The following CPT1A variants were observed in gnomAD, a reference collection of about 807,000 sequenced individuals.
CPT1A encodes the protein carnitine palmitoyltransferase 1A.
Under a neutral mutation model 100.8 loss-of-function variants are expected in CPT1A, and 64 were observed. That is an observed-to-expected ratio of 0.63 (90% CI 0.52 to 0.78). The LOEUF is 0.78. Ranked by LOEUF, CPT1A falls within the 30% of genes least tolerant of loss-of-function variation. CPT1A has a pLI of 0.00. For synonymous variants in CPT1A, 363 were observed against 396.0 expected (o/e 0.92, Z 0.99); for missense variants, 802 against 1,034.1 (o/e 0.78, Z 3.08).
intron 1 of CPT1A, among the ~76,000 whole-genome samples, chr11:68,840,899 C>G (rs919284078): frequency 6.6e-6 from 1 of 151,734 alleles, no homozygotes; most frequent in African/African-American, 2.4e-5. Context: ...GCGGCCCCGC[C>G]GCTCCCAGCC....
intron 14 of CPT1A, among the ~76,000 whole-genome samples, chr11:68,763,343 A>G (rs1313488761): frequency 1.3e-5 from 2 of 151,896 alleles, no homozygotes; most frequent in East Asian, 3.9e-4. Flanking sequence ...CCTCTGCTGC[A>G]TTCCCTTCAG....
intron 12 of CPT1A, among the ~76,000 whole-genome samples, chr11:68,779,210 C>T (rs1056498715): frequency 6.6e-6 from 1 of 152,108 alleles, no homozygotes; most frequent in Non-Finnish European, 1.5e-5. Flanking sequence ...TTTTATTCCA[C>T]TTCATTTATT....
At chr11:68,835,624 G>C (rs565498596) in intron 1 of CPT1A, among the ~76,000 whole-genome samples, 1 of 151,126 alleles carries the variant, frequency 6.6e-6, no homozygotes, top group African/African-American at 2.4e-5. Flanking sequence ...GGAATGACAG[G>C]TTCAGACCCA....
chr11:68,830,999 G>T (rs534095867), intron 1 of CPT1A, among the ~76,000 whole-genome samples: 12 of 152,058 alleles, frequency 7.9e-5, no homozygotes, highest in Admixed American at 6.6e-5. Flanking sequence ...CAACAATCGT[G>T]GGGGGGAAGG....
At chr11:68,796,711 G>C (rs955008262) in intron 7 of CPT1A, 145 bp downstream of exon 7, 4 of 782,042 alleles carry the variant, frequency 5.1e-6, no homozygotes, top group Admixed American at 2.1e-5. Flanking sequence ...AGGGTTCTCC[G>C]GCCTGGAAGC....
chr11:68,761,004 G>A (rs755350137), intron 16 of CPT1A, among the ~76,000 whole-genome samples: 5 of 151,840 alleles, frequency 3.3e-5, no homozygotes, highest in Admixed American at 2.0e-4. Context: ...CTGGGTGACA[G>A]AGCGAGACTC....
At chr11:68,805,912 G>A (rs1017345893) in intron 4 of CPT1A, among the ~76,000 whole-genome samples, 4 of 152,180 alleles carry the variant, frequency 2.6e-5, no homozygotes, top group Admixed American at 1.3e-4. Flanking sequence ...GCACACACCC[G>A]CCTGCAGGGG....
chr11:68,823,697 G>A (rs1856646513), intron 1 of CPT1A, among the ~76,000 whole-genome samples: 2 of 152,054 alleles, frequency 1.3e-5, no homozygotes, highest in Admixed American at 6.6e-5. Context: ...GCCAAGGCAG[G>A]AGAATCACTT....
At chr11:68,764,583 G>C (rs1854731534) in intron 14 of CPT1A, among the ~76,000 whole-genome samples, 1 of 152,108 alleles carries the variant, frequency 6.6e-6, no homozygotes, top group African/African-American at 2.4e-5. Context: ...GAGTCAGACA[G>C]AGCACAGGAC....
chr11:68,767,838 T>C (rs1039755824), intron 14 of CPT1A, among the ~76,000 whole-genome samples: 1 of 152,028 alleles, frequency 6.6e-6, no homozygotes, highest in Non-Finnish European at 1.5e-5. Context: ...AATATGTAAC[T>C]GACGATTCCC....
chr11:68,758,228 A>G (rs1211569839), intron 18 of CPT1A, among the ~76,000 whole-genome samples: 1 of 151,972 alleles, frequency 6.6e-6, no homozygotes, highest in African/African-American at 2.4e-5. Flanking sequence ...AGATCACACC[A>G]CTGCACTCTA....
At chr11:68,773,121 G>A (rs756798055) in intron 14 of CPT1A, 144 bp downstream of exon 14, 23 of 1,469,108 alleles carry the variant, frequency 1.6e-5, no homozygotes, top group African/African-American at 2.8e-5. Context: ...AACGCCACCC[G>A]GCCCCCGGAG....
At chr11:68,761,765 C>T in intron 15 of CPT1A, 78 bp from the exon 16 acceptor site, 16 of 1,520,684 alleles carry the variant, frequency 1.1e-5, no homozygotes, top group Non-Finnish European at 1.5e-5. Flanking sequence ...AGCCACCGCA[C>T]CCGGCTAATA....
intron 17 of CPT1A, 31 bp from the exon 18 acceptor site, chr11:68,759,692 T>C: frequency 6.6e-7 from 1 of 1,507,340 alleles, no homozygotes; most frequent in Non-Finnish European, 9.2e-7. Context: ...AATTTGTTGC[T>C]GGGAAATGAG....
intron 12 of CPT1A, among the ~76,000 whole-genome samples, chr11:68,777,291 G>A (rs887895986): frequency 7.9e-5 from 12 of 152,254 alleles, no homozygotes; most frequent in Non-Finnish European, 1.3e-4. Flanking sequence ...TCAGCTGGGC[G>A]TGGTGGCGCA....
intron 5 of CPT1A, among the ~76,000 whole-genome samples, chr11:68,802,292 A>AT (rs1855922513): frequency 6.6e-6 from 1 of 152,054 alleles, no homozygotes; most frequent in Non-Finnish European, 1.5e-5. Context: ...TTTTACCATA[A>AT]TTTTTTTAAA....
chr11:68,793,400 A>T lies in CPT1A; in HGVS notation c.882T>A (p.Ile294=). The part of the protein sequence containing the change: ...RKLDREEIKP[I]RLLGSTIPLC... ...GTGGAATCGTGGATCCCAAAAGACGAATCTGTAACAAAAATATATTTCAAA... is the reference window on the plus strand; with the variant it reads ...GTGGAATCGTGGATCCCAAAAGACGTATCTGTAACAAAAATATATTTCAAA... The change falls in exon 9 of 19, where the codon ATT becomes ATA. Residue 294 remains isoleucine, a splice_region_variant and synonymous_variant. Coordinates refer to ENST00000265641, the MANE Select transcript of CPT1A (RefSeq NM_001876.4). 6.2e-7 allele frequency: 1 copy of T among 1,608,082 alleles called. No homozygotes were observed. The highest frequency in any genetic ancestry group is 8.5e-7 in the Non-Finnish European group (1 of 1,176,646).
chr11:68,812,319 C>T lies in CPT1A; in HGVS notation c.281+118G>A, dbSNP rs1038828600. ...AGGAAGAAAGCTGACGTGAGAACAG[C>T]ATCAGGAGCTTCATATGGAATCCAG... On this transcript the variant is annotated intron_variant, in intron 3 of 18. Coordinates refer to ENST00000265641, the MANE Select transcript of CPT1A (RefSeq NM_001876.4). The T allele has an allele frequency of 7.2e-6, 10 of 1,398,206 alleles. No individual in the cohort carries two copies. The Admixed American group carries it at 1.2e-4, about 16-fold the overall frequency. The allele number at this position is 1,398,206 out of a possible 1,614,324, so 86.6% of individuals were successfully genotyped here.
chr11:68,777,302 C>T (rs1476831497), intron 12 of CPT1A, among the ~76,000 whole-genome samples: 2 of 152,176 alleles, frequency 1.3e-5, no homozygotes, highest in East Asian at 3.9e-4. Context: ...TGGTGGCGCA[C>T]ACCTGTGGTC....
Sources: allele counts gnomAD v4.1 joint callset (sites outside exome capture counted in the v4.1 genomes callset), GRCh38; gene constraint gnomAD v4.1.1; transcripts MANE v1.5; gene names NCBI Gene and HGNC (gene_info 2026-07-23, HGNC 2026-07-21).